The following TM4SF20 variants were observed in gnomAD, a reference collection of about 807,000 sequenced individuals.
The protein encoded by TM4SF20 is transmembrane 4 L6 family member 20.
A neutral mutation model predicts 15.1 loss-of-function variants in TM4SF20; 13 were observed. That is an observed-to-expected ratio of 0.86 (90% confidence interval 0.56 to 1.36). TM4SF20 has a LOEUF of 1.36. Ranked by LOEUF, TM4SF20 falls within the 40% of genes most tolerant of loss-of-function variation. The probability of loss-of-function intolerance (pLI) is 0.00; values close to 1 mark genes in which losing one functional copy is unlikely to be tolerated. For synonymous variants in TM4SF20, 92 were observed against 96.6 expected (o/e 0.95, Z 0.28); for missense variants, 282 against 268.4 (o/e 1.05, Z -0.35).
At chr2:227,366,387 A>G (rs2076393066) in intron 2 of TM4SF20, 143 bp from the exon 3 acceptor site, 1 of 669,848 alleles carries the variant, frequency 1.5e-6, no homozygotes, top group Admixed American at 3.2e-5. Context: ...GGTGTGAATG[A>G]TACAAAAAGG....
intron 1 of TM4SF20, among the ~76,000 whole-genome samples, chr2:227,375,108 G>A (rs1420002869): frequency 6.6e-6 from 1 of 151,268 alleles, no homozygotes; most frequent in African/African-American, 2.4e-5. Flanking sequence ...TGTATTTTTT[G>A]ATAGAAACGG....
chr2:227,363,038 A>C lies in TM4SF20; in HGVS notation c.*686T>G, dbSNP rs1416884613. 1.3e-5 allele frequency: 2 copies of C among 152,160 alleles called. No homozygotes were observed. The highest frequency in any genetic ancestry group is 2.9e-5 in the Non-Finnish European group (2 of 68,028). The allele number at this position is 152,160 out of a possible 1,614,324, so 9.4% of individuals were successfully genotyped here. On this transcript the variant is annotated 3_prime_UTR_variant, in exon 4 of 4. Transcript: ENST00000304568. ...CTGACCCACTTTTTGGATTTGTCCT[A>C]GTGTTCCCTGCAAGCTGAGAATTAG...
chr2:227,369,664 AG>A (rs2106491256), intron 2 of TM4SF20, among the ~76,000 whole-genome samples: 1 of 152,070 alleles, frequency 6.6e-6, no homozygotes, highest in East Asian at 1.9e-4. Flanking sequence ...CTAGACCTCA[AG>A]TGATCCTCCC....
At chr2:227,368,335 T>TATATCTATATA (rs1553786651) in intron 2 of TM4SF20, among the ~76,000 whole-genome samples, 1 of 122,726 alleles carries the variant, frequency 8.1e-6, no homozygotes, top group Non-Finnish European at 1.7e-5. Context: ...CATCTATTAT[T>TATATCTATATA]TATATATATA....
rs147519379 is a variant in TM4SF20 at position 227,378,998 on chromosome 2, G to A, written c.183+88C>T. On this transcript the variant is annotated intron_variant, in intron 1 of 3. Coordinates refer to ENST00000304568, the MANE Select transcript of TM4SF20 (RefSeq NM_024795.4). ...AAATTTTATCATAAGCCAAGACATA[G>A]TTAACTGCAAGACTGGAAGACAGCT... 7 of 1,335,616 alleles carry A rather than the reference G, an allele frequency of 5.2e-6. No homozygotes were observed. In the East Asian group the frequency reaches 1.6e-4, roughly 31 times the overall value. 82.7% of individuals were successfully genotyped at this position (1,335,616 alleles called of 1,614,324 possible). A position where few individuals can be genotyped will look rare whatever the true frequency, so the allele number is the denominator to read the frequency against.
chr2:227,378,402 C>T (rs1404067515), intron 1 of TM4SF20, among the ~76,000 whole-genome samples: 1 of 152,184 alleles, frequency 6.6e-6, no homozygotes, highest in African/African-American at 2.4e-5. Context: ...GCAAGTGCCT[C>T]GGGTGATTCA....
At position 227,363,490 on chromosome 2, in the gene TM4SF20, C is replaced by T. The variant is rs542062058; in HGVS notation, c.*234G>A. 5 of 387,674 alleles carry T rather than the reference C, an allele frequency of 1.3e-5. No homozygotes were observed. Among genetic ancestry groups the T allele is most frequent in the Non-Finnish European group, 1.4e-5 (3 of 217,218 alleles). 24.0% of individuals were successfully genotyped at this position (387,674 alleles called of 1,614,324 possible). Reference sequence around the variant, plus strand: ...TTCCTTCTCATCCTCCTTCCCTTCTCCTTTCTCTACACACAGTGAAGAGGT... The same window carrying T: ...TTCCTTCTCATCCTCCTTCCCTTCTTCTTTCTCTACACACAGTGAAGAGGT... On this transcript the variant is annotated 3_prime_UTR_variant, in exon 4 of 4. Transcript: ENST00000304568.
At chr2:227,377,789 A>G (rs568763291) in intron 1 of TM4SF20, among the ~76,000 whole-genome samples, 1 of 152,256 alleles carries the variant, frequency 6.6e-6, no homozygotes, top group East Asian at 1.9e-4. Context: ...ATGAGCACAT[A>G]AAAGGGAACA....
At chr2:227,368,264 C>A (rs886704373) in intron 2 of TM4SF20, among the ~76,000 whole-genome samples, 6 of 148,260 alleles carry the variant, frequency 4.0e-5, no homozygotes, top group African/African-American at 1.5e-4. Flanking sequence ...ACCTTGTGAT[C>A]CGCCCGCCTC....
At position 227,363,922 on chromosome 2, in the gene TM4SF20, G is replaced by T. The variant is rs760276236; in HGVS notation, c.492C>A (p.Asp164Glu). The T allele has an allele frequency of 1.2e-6, 2 of 1,614,186 alleles. No individual in the cohort carries two copies. Among genetic ancestry groups the T allele is most frequent in the Non-Finnish European group, 1.7e-6 (2 of 1,180,046 alleles). Residue 164 changes from aspartate (D) to glutamate (E), a missense_variant, in exon 4 of 4, where the codon GAC (aspartate) becomes GAA (glutamate). By Grantham distance (45) the Asp-to-Glu change is conservative (BLOSUM62 2). Coordinates refer to ENST00000304568, the MANE Select transcript of TM4SF20 (RefSeq NM_024795.4). ...PTGFNKPTSN[D>E]TMASGWRASS... is the part of the protein sequence containing the mutation. ...ATGCTCTCCAGCCACTCGCCATGGT[G>T]TCGTTACTGGTGGGTTTATTGAAAC...
chr2:227,380,576 A>G (rs2076475109), upstream of TM4SF20, among the ~76,000 whole-genome samples: 1 of 152,186 alleles, frequency 6.6e-6, no homozygotes, highest in African/African-American at 2.4e-5. Context: ...ATTGGCCAAA[A>G]AAGTCACTCA....
intron 2 of TM4SF20, among the ~76,000 whole-genome samples, chr2:227,369,992 T>TC (rs781747198): frequency 2.6e-5 from 4 of 152,210 alleles, no homozygotes; most frequent in Non-Finnish European, 5.9e-5. Flanking sequence ...TCTTACTTTT[T>TC]CCCACTTAAG....
rs369659427 is a variant in TM4SF20, at chr2:227,363,735, G to T, written c.679C>A (p.Gln227Lys). The T allele has an allele frequency of 1.9e-6, 3 of 1,612,322 alleles. No individual in the cohort carries two copies. The highest frequency in any genetic ancestry group is 2.7e-5 in the African/African-American group (2 of 74,724). The change falls in exon 4 of 4, where the codon CAA becomes AAA. Residue 227 changes from glutamine to lysine, a missense_variant. Gln to Lys is a moderately conservative substitution (Grantham distance 53). Coordinates refer to ENST00000304568, the MANE Select transcript of TM4SF20 (RefSeq NM_024795.4). The part of the protein sequence containing the change: ...CLCGVSKRRS[Q>K]IV ...TTATTCCCATTAAACTACACAATTT[G>T]ACTTCTTCGCTTAGAGACTCCACAC...
Position 227,366,175 on chromosome 2 carries a change from G to C in TM4SF20, c.319C>G (p.Gln107Glu). 1 of 1,613,962 alleles carries C rather than the reference G, an allele frequency of 6.2e-7. No homozygotes were observed. Among genetic ancestry groups the C allele is most frequent in the Non-Finnish European group, 8.5e-7 (1 of 1,179,872 alleles). The change falls in exon 3 of 4, where the codon CAG (glutamine) becomes GAG (glutamate). Residue 107 changes from glutamine to glutamate, a missense_variant. Physicochemically the swap from Gln to Glu is conservative, Grantham distance 29. Coordinates refer to ENST00000304568, the MANE Select transcript of TM4SF20 (RefSeq NM_024795.4). ...GALYCMLISIQALLKGPLMCN... is the reference protein window; with the variant it reads ...GALYCMLISIEALLKGPLMCN... ...ATGAGAGGACCTTTTAAGAGAGCCT[G>C]GATGGATATCAGCATGCAATACAGA...
Position 227,363,858 on chromosome 2 carries a change from G to A in TM4SF20, c.556C>T (p.Leu186Phe), listed in dbSNP as rs2076376367. 1 of 1,614,122 alleles carries A rather than the reference G, an allele frequency of 6.2e-7. No homozygotes were observed. The highest frequency in any genetic ancestry group is 1.1e-5 in the South Asian group (1 of 91,076). Residue 186 changes from leucine (L) to phenylalanine (F), a missense_variant, in exon 4 of 4, where the codon CTT becomes TTT. Physicochemically the swap from Leu to Phe is conservative, Grantham distance 22 (BLOSUM62 0). Transcript: ENST00000304568. ...CCTAAAAATACTGAGAAGTGGATAA[G>A]CCTATGTTTGTTTTCTTCAGAATCG... Reference protein sequence around the residue: ...HFDSEENKHRLIHFSVFLGLL... With the variant: ...HFDSEENKHRFIHFSVFLGLL...
intron 3 of TM4SF20, among the ~76,000 whole-genome samples, chr2:227,364,382 T>TTCCC (rs1575020868): frequency 1.5e-5 from 2 of 137,136 alleles, no homozygotes; most frequent in African/African-American, 6.5e-5. Flanking sequence ...GAGCCTCCCC[T>TTCCC]ACCCCCCGCC....
intron 1 of TM4SF20, among the ~76,000 whole-genome samples, chr2:227,373,233 TAACA>T (rs772001275): frequency 2.6e-5 from 4 of 152,212 alleles, no homozygotes; most frequent in Non-Finnish European, 5.9e-5. Context: ...GCAGCTTTCC[TAACA>T]AACCTCACTC....
rs1213312858 is a variant in TM4SF20 at position 227,363,204 on chromosome 2, C to T, written c.*520G>A. 6.6e-6 allele frequency: 1 copy of T among 152,434 alleles called. No individual in the cohort carries two copies. Among genetic ancestry groups the T allele is most frequent in the African/African-American group, 2.4e-5 (1 of 41,408 alleles). The allele number at this position is 152,434 out of a possible 1,614,324, so 9.4% of individuals were successfully genotyped here. A position where few individuals can be genotyped will look rare whatever the true frequency, so the allele number is the denominator to read the frequency against. On this transcript the variant is annotated 3_prime_UTR_variant, in exon 4 of 4. Transcript: ENST00000304568. ...CTGAGGCAGGCAGATCACTTGAGTC[C>T]ATGAGTTCGGGACCAGCCTGGGCAA...
At chr2:227,374,925 CAA>C (rs10680148) in intron 1 of TM4SF20, among the ~76,000 whole-genome samples, 20 of 139,274 alleles carry the variant, frequency 1.4e-4, no homozygotes, top group Admixed American at 1.4e-4. Context: ...ACCCTATCTA[CAA>C]AAAAAAAAAA....
Sources: gnomAD v4.1 joint callset for allele counts (sites outside exome capture counted in the v4.1 genomes callset) on GRCh38, gnomAD v4.1.1 for gene constraint, MANE v1.5 for transcripts, NCBI Gene and HGNC (gene_info 2026-07-23, HGNC 2026-07-21) for gene names.